Variants in RAP1A observed in about 807,000 individuals in gnomAD.
RAP1A encodes RAP1A, member of RAS oncogene family, also known as ras-related protein Rap-1A.
In RAP1A, 6 loss-of-function variants were observed where a neutral mutation model predicts 26.4. The observed-to-expected ratio is 0.23, with a 90% CI of 0.12 to 0.45. RAP1A has a LOEUF of 0.45. Among genes scored for constraint, RAP1A ranks in the 20% least tolerant of loss-of-function variants. RAP1A has a pLI of 0.99. For missense variants in RAP1A, 121 were observed against 217.2 expected (o/e 0.56, Z 2.78); for synonymous variants, 73 against 79.4 (o/e 0.92, Z 0.43).
chr1:111,688,486 AT>A (rs2101234987), intron 1 of RAP1A, among the ~76,000 whole-genome samples: 1 of 151,368 alleles, frequency 6.6e-6, no homozygotes, highest in Non-Finnish European at 1.5e-5. Context: ...CGCCCAGCTA[AT>A]TTTTTGTACT....
At chr1:111,623,323 G>A (rs1659281766) in intron 1 of RAP1A, among the ~76,000 whole-genome samples, 2 of 152,008 alleles carry the variant, frequency 1.3e-5, no homozygotes, top group Non-Finnish European at 2.9e-5. Context: ...ACTGTGGCTG[G>A]CAACAAAGGA....
rs1454119418 is a variant in RAP1A at position 111,658,821 on chromosome 1, A to G, written c.-27-32513A>G. Among the ~76,000 whole-genome samples, 7 of 152,338 alleles carry G rather than the reference A, an allele frequency of 4.6e-5. 1 individual carries two copies. The East Asian group carries it at 1.3e-3, about 29-fold the overall frequency. On this transcript the variant is annotated intron_variant, in intron 1 of 7. Coordinates refer to ENST00000369709, the MANE Select transcript of RAP1A (RefSeq NM_002884.4). The stretch of plus-strand genomic sequence containing the variant: ...TGATTTTCTGCCTGCCGGATCTGTC[A>G]GTTACTGACAAGGGTGTTGAGGGCT...
Position 111,580,163 on chromosome 1 carries a change from G to A in RAP1A, c.-28+37654G>A, listed in dbSNP as rs114060799. ...ATAGTTGTATGCGTACTCAAAGTATGGTTTCTACTGAATGTGTATTGCTTT... is the reference window on the plus strand; with the variant it reads ...ATAGTTGTATGCGTACTCAAAGTATAGTTTCTACTGAATGTGTATTGCTTT... On this transcript the variant is annotated intron_variant, in intron 1 of 7. Coordinates refer to the RAP1A transcript ENST00000356415. 9.4e-4 allele frequency among the ~76,000 whole-genome samples: 143 copies of A among 152,234 alleles called. 1 individual carries two copies. The highest frequency in any genetic ancestry group is 3.2e-3 in the African/African-American group (132 of 41,542).
intron 1 of RAP1A, among the ~76,000 whole-genome samples, chr1:111,679,273 G>A (rs192276420): frequency 8.5e-5 from 13 of 152,258 alleles, no homozygotes; most frequent in Admixed American, 2.0e-4. Context: ...CGCCTCATCC[G>A]GGAAGTGCAA....
At chr1:111,696,404 A>G (rs957954345) in intron 3 of RAP1A, among the ~76,000 whole-genome samples, 8 of 152,216 alleles carry the variant, frequency 5.3e-5, no homozygotes, top group African/African-American at 1.9e-4. Flanking sequence ...AAACAGAATT[A>G]TGCTCTAGAT....
chr1:111,543,305 CA>C (rs1446955115), intron 1 of RAP1A, among the ~76,000 whole-genome samples: 3 of 151,996 alleles, frequency 2.0e-5, no homozygotes, highest in African/African-American at 7.2e-5. Flanking sequence ...ACCTTAAAAT[CA>C]GAGAAGAACC....
chr1:111,629,725 G>A (rs1387546461), intron 1 of RAP1A, among the ~76,000 whole-genome samples: 2 of 152,066 alleles, frequency 1.3e-5, no homozygotes, highest in Admixed American at 6.6e-5. Context: ...GATTGTGTGC[G>A]TGTGACTTTT....
chr1:111,674,251 G>A (rs1661058833), intron 1 of RAP1A, among the ~76,000 whole-genome samples: 2 of 151,230 alleles, frequency 1.3e-5, no homozygotes, highest in Non-Finnish European at 2.9e-5. Context: ...ATATGCTCTT[G>A]TGTTTAGCTG....
intron 1 of RAP1A, among the ~76,000 whole-genome samples, chr1:111,543,827 G>A (rs534052121): frequency 3.9e-5 from 6 of 152,152 alleles, no homozygotes; most frequent in South Asian, 2.1e-4. Context: ...GTTATCCCAG[G>A]GTGGGCCATT....
At chr1:111,567,874 G>C (rs960832024) in intron 1 of RAP1A, among the ~76,000 whole-genome samples, 1 of 152,162 alleles carries the variant, frequency 6.6e-6, no homozygotes, top group Admixed American at 6.5e-5. Context: ...CCAGCCTCCA[G>C]AACTATGAAA....
intron 1 of RAP1A, among the ~76,000 whole-genome samples, chr1:111,571,875 G>C (rs1272968888): frequency 1.3e-5 from 2 of 152,166 alleles, no homozygotes; most frequent in Non-Finnish European, 2.9e-5. Context: ...AATTTAAAAA[G>C]GCTAAATTTC....
intron 1 of RAP1A, among the ~76,000 whole-genome samples, chr1:111,631,257 T>G (rs1050649914): frequency 6.6e-6 from 1 of 152,180 alleles, no homozygotes; most frequent in African/African-American, 2.4e-5. Flanking sequence ...TTTGATTAGC[T>G]TTTACTTATG....
At chr1:111,627,490 A>G (rs1659435573) in intron 1 of RAP1A, 1 of 151,548 alleles carries the variant, frequency 6.6e-6, no homozygotes, top group Admixed American at 6.6e-5. Context: ...CAGAAGTGGG[A>G]TAACTGGATC....
At chr1:111,703,859 T>C (rs924683523) in intron 5 of RAP1A, among the ~76,000 whole-genome samples, 5 of 152,212 alleles carry the variant, frequency 3.3e-5, no homozygotes, top group African/African-American at 1.2e-4. Context: ...TAAAATTCCA[T>C]TGGTATAATT....
chr1:111,597,786 C>A (rs1263072340), intron 1 of RAP1A, among the ~76,000 whole-genome samples: 2 of 152,130 alleles, frequency 1.3e-5, no homozygotes, highest in Non-Finnish European at 2.9e-5. Context: ...CAGCAACACT[C>A]AACAGGGGAG....
intron 1 of RAP1A, among the ~76,000 whole-genome samples, chr1:111,653,683 C>CAAAAAAAAAA (rs71099925): frequency 1.5e-5 from 1 of 65,708 alleles, no homozygotes; most frequent in African/African-American, 7.0e-5. Context: ...AACTCTGTCT[C>CAAAAAAAAAA]AAAAAAAAAA....
chr1:111,640,444 T>C (rs1659858540), intron 1 of RAP1A, among the ~76,000 whole-genome samples: 1 of 152,242 alleles, frequency 6.6e-6, no homozygotes, highest in African/African-American at 2.4e-5. Flanking sequence ...AATAGCCATC[T>C]GATAGCAGGG....
intron 1 of RAP1A, among the ~76,000 whole-genome samples, chr1:111,623,074 G>C (rs1659272036): frequency 6.6e-6 from 1 of 152,064 alleles, no homozygotes; most frequent in Admixed American, 6.5e-5. Flanking sequence ...CTGGTGTGCA[G>C]TGGTGCAATC....
intron 1 of RAP1A, among the ~76,000 whole-genome samples, chr1:111,578,713 T>C (rs1658192799): frequency 6.6e-6 from 1 of 152,218 alleles, no homozygotes; most frequent in Non-Finnish European, 1.5e-5. Context: ...AGACCCTCTC[T>C]GGGTATCCTA....
Sources: gnomAD v4.1 joint callset for allele counts (sites outside exome capture counted in the v4.1 genomes callset) on GRCh38, gnomAD v4.1.1 for gene constraint, MANE v1.5 for transcripts, NCBI Gene and HGNC (gene_info 2026-07-23, HGNC 2026-07-21) for gene names.